Variants in BRIP1 observed in about 807,000 individuals in gnomAD.
The protein encoded by BRIP1 is BRCA1 interacting DNA helicase 1.
BRIP1 carries 88 observed loss-of-function variants against 119.7 expected under a neutral mutation model. The ratio of observed to expected loss-of-function variants is 0.74; its 90% CI spans 0.62 to 0.88. BRIP1 has a LOEUF of 0.88. Among genes scored for constraint, BRIP1 ranks in the 40% least tolerant of loss-of-function variants. BRIP1 has a pLI of 0.00. For missense variants in BRIP1, 1,259 were observed against 1,455.4 expected (o/e 0.87, Z 2.20); for synonymous variants, 443 against 496.5 (o/e 0.89, Z 1.43).
chr17:61,748,671 T>C lies in BRIP1; in HGVS notation c.2098-4080A>G, dbSNP rs946027057. Among the ~76,000 whole-genome samples the C allele has an allele frequency of 1.3e-5, 2 of 152,196 alleles. No individual in the cohort carries two copies. The highest frequency in any genetic ancestry group is 2.9e-5 in the Non-Finnish European group (2 of 68,040). ...GAGCCTGGAAATAAATCCACACATG[T>C]ATGATCAACTGATCTTCAGCAAGGG... is the stretch of plus-strand genomic sequence containing the variant. On this transcript the variant is annotated intron_variant, in intron 14 of 19. Coordinates refer to ENST00000259008, the MANE Select transcript of BRIP1 (RefSeq NM_032043.3). This position sits in a 1 kb window ranked among gnomAD's most constrained non-coding sequence, Gnocchi z 4.7.
At chr17:61,707,933 G>T (rs996133039) in intron 17 of BRIP1, among the ~76,000 whole-genome samples, 1 of 150,364 alleles carries the variant, frequency 6.7e-6, no homozygotes, top group Non-Finnish European at 1.5e-5. Flanking sequence ...TGCAACCTCC[G>T]CCTCCCAGGT....
Position 61,807,278 on chromosome 17 carries a change from C to T in BRIP1, c.918+1189G>A, listed in dbSNP as rs1452560045. On this transcript the variant is annotated intron_variant, in intron 7 of 19. Coordinates refer to ENST00000259008, the MANE Select transcript of BRIP1 (RefSeq NM_032043.3). The surrounding 1 kb of genome is among the most constrained non-coding windows in gnomAD (Gnocchi z 4.5). Reference sequence around the variant, plus strand: ...CCTTGAAGAGAAGTTTTTTAATATACAGAGTAAAGGAATTTCACAATTCCT... The same window carrying T: ...CCTTGAAGAGAAGTTTTTTAATATATAGAGTAAAGGAATTTCACAATTCCT... 6.6e-6 allele frequency among the ~76,000 whole-genome samples: 1 copy of T among 152,098 alleles called. No individual in the cohort carries two copies. The highest frequency in any genetic ancestry group is 2.4e-5 in the African/African-American group (1 of 41,414).
rs1441257544 is a variant in BRIP1 at position 61,793,741 on chromosome 17, T to C, written c.1341-12A>G. On this transcript the variant is annotated splice_polypyrimidine_tract_variant and intron_variant, in intron 9 of 19. Coordinates refer to ENST00000259008, the MANE Select transcript of BRIP1 (RefSeq NM_032043.3). This position sits in a 1 kb window ranked among gnomAD's most constrained non-coding sequence, Gnocchi z 5.2. The stretch of plus-strand genomic sequence containing the variant: ...TTGCTTCTAACCAACTGAAATAAAA[T>C]AAAACAATTGTGTCAACCAGTATCA... 27 of 1,606,780 alleles carry C rather than the reference T, an allele frequency of 1.7e-5. No homozygotes were observed. The highest frequency in any genetic ancestry group is 2.3e-5 in the Non-Finnish European group (27 of 1,177,928).
intron 6 of BRIP1, among the ~76,000 whole-genome samples, chr17:61,821,005 T>C (rs925009228): frequency 2.0e-5 from 3 of 151,636 alleles, no homozygotes; most frequent in African/African-American, 7.3e-5. Context: ...GGGAGGGGGC[T>C]TGAGCAAGAG....
At chr17:61,787,114 TATATA>T (rs906819501) in intron 10 of BRIP1, among the ~76,000 whole-genome samples, 46 of 112,940 alleles carry the variant, frequency 4.1e-4, no homozygotes, top group African/African-American at 1.5e-3. Flanking sequence ...AATATATTAA[TATATA>T]ATATATTATA....
intron 10 of BRIP1, among the ~76,000 whole-genome samples, chr17:61,790,852 C>A (rs1252722388): frequency 6.6e-6 from 1 of 151,888 alleles, no homozygotes; most frequent in Non-Finnish European, 1.5e-5. Flanking sequence ...GTCTTGAACT[C>A]CTGGGCTCAA....
In BRIP1 at chr17:61,744,240, C is replaced by T. The variant is rs2077026452; in HGVS notation, c.2257+192G>A. 6.6e-6 allele frequency among the ~76,000 whole-genome samples: 1 copy of T among 152,084 alleles called. No individual in the cohort carries two copies. Among genetic ancestry groups the T allele is most frequent in the Admixed American group, 6.5e-5 (1 of 15,272 alleles). ...TTTTTCTTAAAGTTGAATCAGCATA[C>T]TCAAGTGAAAATATTCATAGGAGAA... is the stretch of plus-strand genomic sequence containing the variant. On this transcript the variant is annotated intron_variant, in intron 15 of 19. Coordinates refer to ENST00000259008, the MANE Select transcript of BRIP1 (RefSeq NM_032043.3). This position sits in a 1 kb window ranked among gnomAD's most constrained non-coding sequence, Gnocchi z 5.0.
rs562620993 is a variant in BRIP1 at position 61,700,274 on chromosome 17, G to A, written c.2493-6762C>T. 2.2e-3 allele frequency among the ~76,000 whole-genome samples: 330 copies of A among 152,192 alleles called. 1 individual carries two copies. Among genetic ancestry groups the A allele is most frequent in the South Asian group, 0.011 (52 of 4,828 alleles). On this transcript the variant is annotated intron_variant, in intron 17 of 19. Coordinates refer to ENST00000259008, the MANE Select transcript of BRIP1 (RefSeq NM_032043.3). The surrounding 1 kb of genome is among the most constrained non-coding windows in gnomAD (Gnocchi z 4.1). ...ATTAACTTTTACATTTACGTATGTCGTTAACTTTGTGGGTATTCTTTATTT... is the reference window on the plus strand; with the variant it reads ...ATTAACTTTTACATTTACGTATGTCATTAACTTTGTGGGTATTCTTTATTT...
intron 13 of BRIP1, among the ~76,000 whole-genome samples, chr17:61,777,426 C>T (rs975400153): frequency 1.3e-5 from 2 of 152,110 alleles, no homozygotes; most frequent in African/African-American, 4.8e-5. Flanking sequence ...ATACTATCTA[C>T]TGGGAGATGA....
intron 10 of BRIP1, among the ~76,000 whole-genome samples, chr17:61,790,694 T>C (rs113980251): frequency 2.0e-5 from 3 of 152,092 alleles, no homozygotes; most frequent in African/African-American, 7.2e-5. Flanking sequence ...GGCTGGAGTG[T>C]AGTGGTGCAA....
rs2061247932 is a variant in BRIP1 at position 61,679,230 on chromosome 17, T to C, written c.*4066A>G. 1.3e-5 allele frequency among the ~76,000 whole-genome samples: 2 copies of C among 152,192 alleles called. No individual in the cohort carries two copies. Among genetic ancestry groups the C allele is most frequent in the Non-Finnish European group, 2.9e-5 (2 of 68,032 alleles). Reference sequence around the variant, plus strand: ...AAAAGCTTTTTGTTAAAATTAATGTTTTGAATAGAAAGATCTTAACAACAA... The same window carrying C: ...AAAAGCTTTTTGTTAAAATTAATGTCTTGAATAGAAAGATCTTAACAACAA... On this transcript the variant is annotated 3_prime_UTR_variant, in exon 20 of 20. Transcript: ENST00000259008. This position sits in a 1 kb window ranked among gnomAD's most constrained non-coding sequence, Gnocchi z 4.4.
At position 61,695,195 on chromosome 17, in the gene BRIP1, T is replaced by C. The variant is rs558218720; in HGVS notation, c.2493-1683A>G. Among the ~76,000 whole-genome samples, 13 of 152,212 alleles carry C rather than the reference T, an allele frequency of 8.5e-5. No individual in the cohort carries two copies. In the East Asian group the frequency reaches 1.5e-3, roughly 18 times the overall value. On this transcript the variant is annotated intron_variant, in intron 17 of 19. Coordinates refer to ENST00000259008, the MANE Select transcript of BRIP1 (RefSeq NM_032043.3). This position sits in a 1 kb window ranked among gnomAD's most constrained non-coding sequence, Gnocchi z 4.3. ...ATATGGTGTGAGGTAGGAGTCTAATTTCATTATTTGCACAGATATCCAGTT... is the reference window on the plus strand; with the variant it reads ...ATATGGTGTGAGGTAGGAGTCTAATCTCATTATTTGCACAGATATCCAGTT...
At chr17:61,829,981 T>G (rs1347432723) in intron 6 of BRIP1, among the ~76,000 whole-genome samples, 4 of 151,964 alleles carry the variant, frequency 2.6e-5, no homozygotes, top group Non-Finnish European at 5.9e-5. Context: ...TGCCCAGGCT[T>G]GAGTGCAATG....
Position 61,860,972 on chromosome 17 carries a change from A to G in BRIP1, c.93+475T>C, listed in dbSNP as rs2078965546. 6.6e-6 allele frequency among the ~76,000 whole-genome samples: 1 copy of G among 152,218 alleles called. No individual in the cohort carries two copies. The highest frequency in any genetic ancestry group is 1.5e-5 in the Non-Finnish European group (1 of 68,036). On this transcript the variant is annotated intron_variant, in intron 2 of 19. Coordinates refer to ENST00000259008, the MANE Select transcript of BRIP1 (RefSeq NM_032043.3). The surrounding 1 kb of genome is among the most constrained non-coding windows in gnomAD (Gnocchi z 4.1). ...ATATATGTAATAAAAGTATAAAAAC[A>G]TGGCTAGGAAAGGAAAAGAACAAAT... is the stretch of plus-strand genomic sequence containing the variant.
intron 17 of BRIP1, among the ~76,000 whole-genome samples, chr17:61,707,511 G>A (rs1453494211): frequency 2.0e-5 from 3 of 151,920 alleles, no homozygotes; most frequent in Non-Finnish European, 4.4e-5. Context: ...CATGATCTGA[G>A]CCTTCTATGT....
intron 11 of BRIP1, among the ~76,000 whole-genome samples, chr17:61,782,854 C>T (rs1384771462): frequency 1.3e-5 from 2 of 152,070 alleles, no homozygotes; most frequent in Non-Finnish European, 2.9e-5. Flanking sequence ...AATAAAATAA[C>T]GAGTGTCAGC....
chr17:61,784,664 G>A (rs906151555), intron 10 of BRIP1, among the ~76,000 whole-genome samples: 7 of 152,232 alleles, frequency 4.6e-5, no homozygotes, highest in South Asian at 2.1e-4. Context: ...ATAGATTAAC[G>A]CCCTCCCTAA....
rs771278319 is a variant in BRIP1, at chr17:61,744,616, ATTTT to A, written c.2098-29_2098-26del. On this transcript the variant is annotated intron_variant, in intron 14 of 19. Transcript: ENST00000259008. This position sits in a 1 kb window ranked among gnomAD's most constrained non-coding sequence, Gnocchi z 5.0. ...ACTAAAGAGGGGAAAGAAAAAAATGATTTTTTGTGTGTCTAGCTAAACAAACTTA... is the reference window on the plus strand; with the variant it reads ...ACTAAAGAGGGGAAAGAAAAAAATGATTGTGTGTCTAGCTAAACAAACTTA... 1.2e-6 allele frequency: 2 copies of A among 1,603,554 alleles called. No individual in the cohort carries two copies. Among genetic ancestry groups the A allele is most frequent in the Admixed American group, 1.7e-5 (1 of 59,994 alleles).
rs1227261147 is a variant in BRIP1, at chr17:61,775,437, T to G, written c.2097+964A>C. Among the ~76,000 whole-genome samples the G allele has an allele frequency of 6.6e-6, 1 of 152,106 alleles. No individual in the cohort carries two copies. Among genetic ancestry groups the G allele is most frequent in the Non-Finnish European group, 1.5e-5 (1 of 68,010 alleles). On this transcript the variant is annotated intron_variant, in intron 14 of 19. Transcript: ENST00000259008. The surrounding 1 kb of genome is among the most constrained non-coding windows in gnomAD (Gnocchi z 4.4). ...AATATTGTCATTCAAATATATTACT[T>G]CCAAATGCTTCTGTCCTTAGAGGTA... is the stretch of plus-strand genomic sequence containing the variant.
Sources: gnomAD v4.1 joint callset for allele counts (sites outside exome capture counted in the v4.1 genomes callset) on GRCh38, gnomAD v4.1.1 for gene constraint, Gnocchi (gnomAD v3.1) non-coding constraint, MANE v1.5 for transcripts, NCBI Gene and HGNC (gene_info 2026-07-23, HGNC 2026-07-21) for gene names.